Variants in ROBO1 observed in about 807,000 individuals in gnomAD.
ROBO1 encodes roundabout guidance receptor 1, also known as roundabout homolog 1.
ROBO1 carries 149 observed loss-of-function variants against 195.9 expected under a neutral mutation model. The ratio of observed to expected loss-of-function variants is 0.76; its 90% CI spans 0.67 to 0.87. The LOEUF is 0.87. Ranked by LOEUF, ROBO1 falls within the 40% of genes least tolerant of loss-of-function variation. The pLI is 0.00. For synonymous variants in ROBO1, 816 were observed against 733.2 expected (o/e 1.11, Z -1.82); for missense variants, 1,933 against 2,068.3 (o/e 0.93, Z 1.27).
At chr3:78,944,099 T>G (rs1223662411) in intron 3 of ROBO1, among the ~76,000 whole-genome samples, 1 of 152,252 alleles carries the variant, frequency 6.6e-6, no homozygotes, top group Non-Finnish European at 1.5e-5. Flanking sequence ...ATGAAGTGTG[T>G]GTTGTTATAT....
intron 2 of ROBO1, among the ~76,000 whole-genome samples, chr3:79,147,832 T>G (rs544770213): frequency 1.3e-5 from 2 of 152,070 alleles, no homozygotes; most frequent in East Asian, 3.9e-4. Context: ...TAATACATGT[T>G]GATTTCAATA....
intron 2 of ROBO1, among the ~76,000 whole-genome samples, chr3:79,247,235 T>C (rs1008343516): frequency 1.3e-4 from 20 of 150,734 alleles, no homozygotes; most frequent in Middle Eastern, 3.4e-3. Context: ...TTTCTCTCTA[T>C]GAACAAACAG....
At chr3:79,603,253 T>C (rs1944389722) in intron 1 of ROBO1, among the ~76,000 whole-genome samples, 1 of 143,662 alleles carries the variant, frequency 7.0e-6, no homozygotes, top group Non-Finnish European at 1.5e-5. Context: ...ACAACCCTCC[T>C]CATCAGGGAG....
chr3:79,402,445 G>A (rs2037401027), intron 2 of ROBO1, among the ~76,000 whole-genome samples: 1 of 151,852 alleles, frequency 6.6e-6, no homozygotes. Flanking sequence ...GGTAAATAAC[G>A]CAGGCAAGTA....
intron 3 of ROBO1, among the ~76,000 whole-genome samples, chr3:79,070,083 T>C (rs1294872792): frequency 2.6e-5 from 4 of 151,678 alleles, no homozygotes; most frequent in Non-Finnish European, 5.9e-5. Context: ...TTTTAAAAGA[T>C]GTATATCTGA....
At chr3:79,561,818 C>T (rs115584375) in intron 2 of ROBO1, among the ~76,000 whole-genome samples, 2,929 of 152,008 alleles carry the variant, frequency 0.019, 111 homozygotes, top group African/African-American at 0.066. Context: ...GCACTGTGGA[C>T]GCATAATACG....
chr3:79,019,058 C>T, intron 3 of ROBO1: 1 of 989,300 alleles, frequency 1.0e-6, no homozygotes, highest in Non-Finnish European at 1.2e-6. Flanking sequence ...AGCGAGGGGG[C>T]GGTGCGGCGA....
At chr3:78,602,585 A>C (rs1219080758) in intron 29 of ROBO1, among the ~76,000 whole-genome samples, 2 of 152,178 alleles carry the variant, frequency 1.3e-5, no homozygotes, top group African/African-American at 4.8e-5. Context: ...CCTTTCTAAA[A>C]TATAACTGTC....
intron 8 of ROBO1, among the ~76,000 whole-genome samples, chr3:78,709,626 T>C (rs1295569084): frequency 6.6e-6 from 1 of 152,214 alleles, no homozygotes; most frequent in Non-Finnish European, 1.5e-5. Context: ...GTACAGGTTT[T>C]AGTGGTGCAA....
chr3:79,289,788 A>G (rs974292983), intron 2 of ROBO1, among the ~76,000 whole-genome samples: 1 of 152,192 alleles, frequency 6.6e-6, no homozygotes, highest in Admixed American at 6.5e-5. Flanking sequence ...TTAACCCAAT[A>G]ACATACTTTG....
At chr3:79,576,424 C>G (rs10451943) in intron 2 of ROBO1, among the ~76,000 whole-genome samples, 87,507 of 151,784 alleles carry the variant, frequency 0.58, 26,691 homozygotes, top group African/African-American at 0.79. Flanking sequence ...AGTAATAATA[C>G]CTACTCTTTA....
intron 26 of ROBO1, among the ~76,000 whole-genome samples, chr3:78,620,017 CA>C (rs11314248): frequency 0.35 from 37,519 of 107,596 alleles, 4,506 homozygotes; most frequent in Middle Eastern, 0.41. Flanking sequence ...GACTCTGTCT[CA>C]AAAAAAAAAA....
chr3:79,160,449 TG>T (rs996943173), intron 2 of ROBO1, among the ~76,000 whole-genome samples: 8 of 152,186 alleles, frequency 5.3e-5, no homozygotes, highest in African/African-American at 1.7e-4. Context: ...AGTATGGCAG[TG>T]TCTTCATATA....
chr3:79,091,615 T>G (rs2079481075), intron 3 of ROBO1, among the ~76,000 whole-genome samples: 1 of 152,070 alleles, frequency 6.6e-6, no homozygotes, highest in African/African-American at 2.4e-5. Context: ...AAAAATAGTA[T>G]GCTATACAGT....
chr3:78,954,249 C>A lies in ROBO1; in HGVS notation c.173-15322G>T, dbSNP rs546619252. On this transcript the variant is annotated intron_variant, in intron 3 of 30. Coordinates refer to ENST00000464233, the MANE Select transcript of ROBO1 (RefSeq NM_002941.4). Reference sequence around the variant, plus strand: ...TAAAGCCATCTATAATAAAGCATCTCTGTTCCTTGTGGAAAACATTGCAAA... The same window carrying A: ...TAAAGCCATCTATAATAAAGCATCTATGTTCCTTGTGGAAAACATTGCAAA... Among the ~76,000 whole-genome samples, 4 of 152,144 alleles carry A rather than the reference C, an allele frequency of 2.6e-5. No individual in the cohort carries two copies. In the South Asian group the frequency reaches 8.3e-4, roughly 32 times the overall value.
chr3:79,738,911 T>C (rs1385758480), intron 1 of ROBO1, among the ~76,000 whole-genome samples: 2 of 152,178 alleles, frequency 1.3e-5, no homozygotes, highest in African/African-American at 2.4e-5. Flanking sequence ...ATACATATTA[T>C]AGAATGATGT....
intron 1 of ROBO1, among the ~76,000 whole-genome samples, chr3:79,622,171 A>G (rs1341720603): frequency 6.6e-6 from 1 of 152,140 alleles, no homozygotes; most frequent in Non-Finnish European, 1.5e-5. Context: ...AGACAGGGAA[A>G]CTGCTTTTTC....
At chr3:79,534,341 G>A (rs1365313387) in intron 2 of ROBO1, among the ~76,000 whole-genome samples, 3 of 151,942 alleles carry the variant, frequency 2.0e-5, no homozygotes, top group Non-Finnish European at 2.9e-5. Context: ...AATAGAAAAC[G>A]AATATGCGAC....
chr3:79,211,848 G>C (rs1172662020), intron 2 of ROBO1, among the ~76,000 whole-genome samples: 2 of 152,162 alleles, frequency 1.3e-5, no homozygotes, highest in African/African-American at 2.4e-5. Flanking sequence ...CACACACACA[G>C]AAATATAGCG....
Sources: allele counts gnomAD v4.1 joint callset (sites outside exome capture counted in the v4.1 genomes callset), GRCh38; gene constraint gnomAD v4.1.1; transcripts MANE v1.5; gene names NCBI Gene and HGNC (gene_info 2026-07-23, HGNC 2026-07-21).